Variants in KCNAB1 observed in about 807,000 individuals in gnomAD.
KCNAB1 encodes voltage-gated potassium channel subunit beta-1.
In KCNAB1, 35 loss-of-function variants were observed where a neutral mutation model predicts 64.6. The observed-to-expected ratio is 0.54, with a 90% CI of 0.41 to 0.72. KCNAB1 has a LOEUF of 0.72. KCNAB1 is among the 30% of genes least tolerant of loss of function. The pLI, the probability that KCNAB1 is intolerant of heterozygous loss-of-function variation, is 0.00. For synonymous variants in KCNAB1, 177 were observed against 183.8 expected (o/e 0.96, Z 0.30); for missense variants, 401 against 512.9 (o/e 0.78, Z 2.11).
chr3:156,119,073 G>A (rs1487518659), upstream of KCNAB1, among the ~76,000 whole-genome samples: 1 of 152,160 alleles, frequency 6.6e-6, no homozygotes, highest in Admixed American at 6.5e-5. Context: ...AGACTATCCT[G>A]GACAGTAATA....
intron 1 of KCNAB1, among the ~76,000 whole-genome samples, chr3:156,383,881 G>A (rs1280477090): frequency 6.6e-6 from 1 of 152,174 alleles, no homozygotes. Flanking sequence ...TCTGCCACTT[G>A]ACGGCATCCA....
chr3:156,313,069 G>A (rs575147081), intron 1 of KCNAB1, among the ~76,000 whole-genome samples: 12 of 152,252 alleles, frequency 7.9e-5, no homozygotes, highest in African/African-American at 1.2e-4. Flanking sequence ...AGGAGGTATC[G>A]ATGGTCTTAT....
intron 1 of KCNAB1, chr3:156,215,551 A>T (rs549421082): frequency 6.6e-6 from 1 of 152,448 alleles, no homozygotes; most frequent in East Asian, 1.9e-4. Flanking sequence ...ACATGAAGGC[A>T]CTAGGGAAAG....
intron 1 of KCNAB1, among the ~76,000 whole-genome samples, chr3:156,216,401 G>C (rs1417936743): frequency 6.6e-6 from 1 of 152,230 alleles, no homozygotes; most frequent in Non-Finnish European, 1.5e-5. Context: ...AGGCAACCTT[G>C]GGTGGTCCTG....
At chr3:156,381,631 G>A (rs1439017846) in intron 1 of KCNAB1, among the ~76,000 whole-genome samples, 1 of 152,212 alleles carries the variant, frequency 6.6e-6, no homozygotes, top group Non-Finnish European at 1.5e-5. Context: ...CATTTTGAAA[G>A]CTGGAAGGCA....
At chr3:156,402,556 G>A (rs1199543811) in intron 1 of KCNAB1, among the ~76,000 whole-genome samples, 4 of 152,134 alleles carry the variant, frequency 2.6e-5, no homozygotes, top group African/African-American at 7.2e-5. Context: ...TCCCTTTGCA[G>A]AACAGATAAG....
intron 1 of KCNAB1, among the ~76,000 whole-genome samples, chr3:156,224,548 G>C: frequency 6.6e-6 from 1 of 152,130 alleles, no homozygotes; most frequent in Middle Eastern, 3.2e-3. Context: ...CCCAAACCCA[G>C]CAGAAGAAAA....
chr3:156,421,202 A>C (rs551347509), intron 1 of KCNAB1, among the ~76,000 whole-genome samples: 3 of 152,300 alleles, frequency 2.0e-5, no homozygotes, highest in Admixed American at 6.5e-5. Context: ...CTGTGACCTA[A>C]GTCTAGACCA....
chr3:156,280,043 A>G (rs1379080183), intron 1 of KCNAB1, among the ~76,000 whole-genome samples: 53 of 148,234 alleles, frequency 3.6e-4, no homozygotes, highest in Non-Finnish European at 6.8e-4. Flanking sequence ...GTCCTTGCCC[A>G]TGCCTATGTC....
intron 1 of KCNAB1, among the ~76,000 whole-genome samples, chr3:156,329,865 T>A (rs1723220485): frequency 6.6e-6 from 1 of 152,162 alleles, no homozygotes; most frequent in African/African-American, 2.4e-5. Flanking sequence ...CAGACCAGGC[T>A]GGGTTAAGAT....
chr3:156,342,118 A>G (rs376394091), intron 1 of KCNAB1, among the ~76,000 whole-genome samples: 12 of 152,162 alleles, frequency 7.9e-5, no homozygotes, highest in African/African-American at 2.9e-4. Context: ...TGCCTTCAAT[A>G]ATATTCTGTC....
At chr3:156,282,117 C>G (rs1437110237) in intron 1 of KCNAB1, among the ~76,000 whole-genome samples, 1 of 147,380 alleles carries the variant, frequency 6.8e-6, no homozygotes, top group East Asian at 2.0e-4. Context: ...CTATAAATTT[C>G]CCTCTACACA....
At chr3:156,368,669 T>G (rs779054787) in intron 1 of KCNAB1, among the ~76,000 whole-genome samples, 2 of 152,214 alleles carry the variant, frequency 1.3e-5, no homozygotes, top group Non-Finnish European at 2.9e-5. Flanking sequence ...CTGACATTTA[T>G]TAATAAGTGT....
intron 1 of KCNAB1, among the ~76,000 whole-genome samples, chr3:156,136,921 G>C (rs1313408540): frequency 6.6e-6 from 1 of 152,206 alleles, no homozygotes; most frequent in East Asian, 1.9e-4. Context: ...GACCAATGCA[G>C]AATAGCAGTT....
chr3:156,494,827 A>C (rs756630876), intron 8 of KCNAB1, among the ~76,000 whole-genome samples: 1 of 152,192 alleles, frequency 6.6e-6, no homozygotes, highest in Non-Finnish European at 1.5e-5. Context: ...CTCTTGATCT[A>C]TCTTGCTGGT....
intron 1 of KCNAB1, chr3:156,176,428 G>A (rs757591322): frequency 8.2e-5 from 64 of 784,200 alleles, no homozygotes; most frequent in Non-Finnish European, 1.4e-4. Flanking sequence ...CAAACAAGGT[G>A]GCTAGATAAC....
chr3:156,511,165 G>A (rs1408009844), intron 8 of KCNAB1, among the ~76,000 whole-genome samples: 3 of 151,942 alleles, frequency 2.0e-5, no homozygotes, highest in Non-Finnish European at 2.9e-5. Flanking sequence ...GTGCAGTGGC[G>A]TGATCTCGGC....
intron 1 of KCNAB1, among the ~76,000 whole-genome samples, chr3:156,326,536 C>T (rs149535882): frequency 2.0e-3 from 310 of 152,240 alleles, no homozygotes; most frequent in African/African-American, 7.3e-3. Flanking sequence ...GCAATGTGGT[C>T]TACTCTGACT....
At chr3:156,140,841 G>A (rs888050124) in intron 1 of KCNAB1, among the ~76,000 whole-genome samples, 5 of 152,154 alleles carry the variant, frequency 3.3e-5, no homozygotes, top group African/African-American at 1.2e-4. Context: ...ATTGTGTACC[G>A]GGGCTGGGAA....
Sources: gnomAD v4.1 joint callset for allele counts (sites outside exome capture counted in the v4.1 genomes callset) on GRCh38, gnomAD v4.1.1 for gene constraint, MANE v1.5 for transcripts, NCBI Gene and HGNC (gene_info 2026-07-23, HGNC 2026-07-21) for gene names.